RAB38: variants seen among roughly 807,000 people sequenced by gnomAD.
RAB38 encodes the protein ras-related protein Rab-38.
RAB38 carries 15 observed loss-of-function variants against 18.4 expected under a neutral mutation model. The ratio of observed to expected loss-of-function variants is 0.82; its 90% confidence interval spans 0.55 to 1.26. The LOEUF is 1.26. RAB38 is among the 50% of genes most tolerant of loss of function. The pLI, the probability that RAB38 is intolerant of heterozygous loss-of-function variation, is 0.00. For synonymous variants in RAB38, 101 were observed against 104.4 expected (o/e 0.97, Z 0.20); for missense variants, 294 against 267.4 (o/e 1.10, Z -0.69).
the RAB38 span, among the ~76,000 whole-genome samples, chr11:88,052,911 T>TC: frequency 8.0e-5 from 2 of 24,994 alleles, no homozygotes; most frequent in South Asian, 6.0e-4. Flanking sequence ...CATATATATA[T>TC]ATATATATAT....
At chr11:88,058,234 A>G in the RAB38 span, among the ~76,000 whole-genome samples, 4,448 of 152,332 alleles carry the variant, frequency 0.029, 86 homozygotes, top group Admixed American at 0.041. Flanking sequence ...CCCACAACAA[A>G]AAGACCATAA....
At chr11:87,808,338 A>G in the RAB38 span, among the ~76,000 whole-genome samples, 2 of 152,212 alleles carry the variant, frequency 1.3e-5, no homozygotes, top group Non-Finnish European at 2.9e-5. Flanking sequence ...AGGATAAAGA[A>G]AATGTGATGT....
chr11:87,938,822 C>T, the RAB38 span, among the ~76,000 whole-genome samples: 2 of 151,726 alleles, frequency 1.3e-5, no homozygotes, highest in Non-Finnish European at 2.9e-5. Context: ...CTCCTTGGGT[C>T]CTGAGGTCCC....
chr11:88,147,620 C>T (rs969912306), intron 2 of RAB38, among the ~76,000 whole-genome samples: 2 of 150,766 alleles, frequency 1.3e-5, no homozygotes, highest in African/African-American at 2.4e-5. Context: ...CAGCCGGGTG[C>T]GGTGGCTCAC....
the RAB38 span, among the ~76,000 whole-genome samples, chr11:88,060,738 C>T: frequency 3.9e-5 from 6 of 152,264 alleles, no homozygotes; most frequent in South Asian, 6.2e-4. Flanking sequence ...CAACTAGCTG[C>T]CAGTAGCACC....
the RAB38 span, among the ~76,000 whole-genome samples, chr11:87,824,997 A>AGTGT: frequency 6.6e-6 from 1 of 150,968 alleles, no homozygotes; most frequent in African/African-American, 2.4e-5. Context: ...AGAGAGAGTG[A>AGTGT]GTGTGTGTGT....
the RAB38 span, among the ~76,000 whole-genome samples, chr11:87,905,865 T>C: frequency 6.6e-6 from 1 of 151,942 alleles, no homozygotes; most frequent in South Asian, 2.1e-4. Context: ...GACTGCAAAT[T>C]AGATTCTGTA....
At chr11:87,804,554 C>T in the RAB38 span, among the ~76,000 whole-genome samples, 4 of 152,036 alleles carry the variant, frequency 2.6e-5, no homozygotes, top group Non-Finnish European at 4.4e-5. Flanking sequence ...GGCCCATCTG[C>T]CTAGGTATTC....
chr11:88,053,733 A>C, the RAB38 span, among the ~76,000 whole-genome samples: 1 of 151,968 alleles, frequency 6.6e-6, no homozygotes, highest in African/African-American at 2.4e-5. Context: ...TGACTTGCCA[A>C]GGACAAATAG....
At chr11:88,029,295 T>C in the RAB38 span, among the ~76,000 whole-genome samples, 3 of 151,456 alleles carry the variant, frequency 2.0e-5, no homozygotes, top group African/African-American at 2.4e-5. Context: ...GTAAAGACCA[T>C]CGAGACTAGG....
chr11:88,092,356 GAGAGAGAGAGAGA>G, the RAB38 span, among the ~76,000 whole-genome samples: 18 of 10,644 alleles, frequency 1.7e-3, 3 homozygotes, highest in African/African-American at 2.4e-3. Flanking sequence ...GGGAGGGAGA[GAGAGAGAGAGAGA>G]GAGAGAGAGA....
At chr11:88,109,267 C>A (rs568809410), downstream of RAB38, among the ~76,000 whole-genome samples, 1 of 152,084 alleles carries the variant, frequency 6.6e-6, no homozygotes, top group African/African-American at 2.4e-5. Context: ...ACAAGCCATG[C>A]GGAAAGGATT....
chr11:87,968,610 G>A, the RAB38 span, among the ~76,000 whole-genome samples: 3 of 152,116 alleles, frequency 2.0e-5, no homozygotes, highest in Admixed American at 6.6e-5. Context: ...AAGGAGATAA[G>A]GAGCTTGCAC....
chr11:88,147,239 T>C lies in RAB38; in HGVS notation c.483+2436A>G, dbSNP rs189417270. Among the ~76,000 whole-genome samples, 335 of 152,328 alleles carry C rather than the reference T, an allele frequency of 2.2e-3. 2 individuals are homozygous for C. Among genetic ancestry groups the C allele is most frequent in the South Asian group, 0.02 (96 of 4,822 alleles). On this transcript the variant is annotated intron_variant, in intron 2 of 2. Coordinates refer to ENST00000243662, the MANE Select transcript of RAB38 (RefSeq NM_022337.3). ...TTTATCTGTTTCATAAGTTTCTACA[T>C]TCTCAGTGCCCAGAACATTTGTCTG... is the stretch of plus-strand genomic sequence containing the variant.
the RAB38 span, among the ~76,000 whole-genome samples, chr11:87,804,816 A>C: frequency 6.6e-6 from 1 of 152,168 alleles, no homozygotes; most frequent in Admixed American, 6.5e-5. Context: ...TTACATGATA[A>C]AAATACTCCT....
chr11:88,023,676 G>C, the RAB38 span, among the ~76,000 whole-genome samples: 3 of 152,212 alleles, frequency 2.0e-5, no homozygotes, highest in Admixed American at 1.3e-4. Flanking sequence ...AAAACAGCAT[G>C]GTCCTGGCTT....
At chr11:87,873,922 GTATATA>G in the RAB38 span, among the ~76,000 whole-genome samples, 811 of 103,098 alleles carry the variant, frequency 7.9e-3, 23 homozygotes, top group African/African-American at 0.028. Flanking sequence ...GTGTGTGTGT[GTATATA>G]TATATATATA....
the RAB38 span, among the ~76,000 whole-genome samples, chr11:87,959,715 T>C: frequency 6.6e-6 from 1 of 152,154 alleles, no homozygotes; most frequent in Admixed American, 6.6e-5. Flanking sequence ...AAAATAAAAT[T>C]ACTTGTTTTC....
intron 1 of RAB38, among the ~76,000 whole-genome samples, chr11:88,170,580 G>C (rs1041057734): frequency 6.6e-6 from 1 of 152,166 alleles, no homozygotes; most frequent in African/African-American, 2.4e-5. Context: ...TCAGTTTAAG[G>C]ACTCCTGACA....
Sources: allele counts gnomAD v4.1 joint callset (sites outside exome capture counted in the v4.1 genomes callset), GRCh38; gene constraint gnomAD v4.1.1; transcripts MANE v1.5; gene names NCBI Gene and HGNC (gene_info 2026-07-23, HGNC 2026-07-21).